Variants in BBX observed in about 807,000 individuals in gnomAD.
BBX encodes HMG box transcription factor BBX.
In BBX, 30 loss-of-function variants were observed where a neutral mutation model predicts 100.2. The observed-to-expected ratio is 0.30, with a 90% CI of 0.22 to 0.41. BBX has a LOEUF of 0.41. Ranked by LOEUF, BBX falls within the 10% of genes least tolerant of loss-of-function variation. The pLI, the probability that BBX is intolerant of heterozygous loss-of-function variation, is 1.00. For missense variants in BBX, 1,023 were observed against 1,129.8 expected (o/e 0.91, Z 1.35); for synonymous variants, 376 against 388.1 (o/e 0.97, Z 0.37).
rs1421270071 is a variant in BBX, at chr3:107,737,898, T to TTG, written c.669+4876_669+4877insGT. ...TCAGAGTTCCAGTTTTTTTTTTTTT[T>TTG]TTTTTTTTTTTTTTTTAACTATTTG... On this transcript the variant is annotated intron_variant, in intron 7 of 17. Coordinates refer to ENST00000325805, the MANE Select transcript of BBX (RefSeq NM_001142568.3). 3.5e-5 allele frequency among the ~76,000 whole-genome samples: 5 copies of TTG among 141,512 alleles called. No homozygotes were observed. In the East Asian group the frequency reaches 1.0e-3, roughly 29 times the overall value. 92.8% of individuals were successfully genotyped at this position (141,512 alleles called of 152,430 possible). A position where few individuals can be genotyped will look rare whatever the true frequency, so the allele number is the denominator to read the frequency against.
At chr3:107,606,980 G>A (rs1292077735) in intron 2 of BBX, among the ~76,000 whole-genome samples, 2 of 152,058 alleles carry the variant, frequency 1.3e-5, no homozygotes, top group South Asian at 2.1e-4. Context: ...CAATGGTTCA[G>A]TTGTCTTAAT....
intron 2 of BBX, chr3:107,599,461 A>G (rs2053903298): frequency 6.6e-6 from 1 of 152,088 alleles, no homozygotes; most frequent in African/African-American, 2.4e-5. Context: ...GGAGGAGGAA[A>G]CAATTTTTTT....
At chr3:107,730,742 A>G (rs1252355870) in intron 6 of BBX, among the ~76,000 whole-genome samples, 1 of 152,178 alleles carries the variant, frequency 6.6e-6, no homozygotes, top group Admixed American at 6.5e-5. Flanking sequence ...TTATCTCATT[A>G]TGTAATGGCT....
intron 3 of BBX, among the ~76,000 whole-genome samples, chr3:107,667,227 T>C (rs559523379): frequency 6.6e-6 from 1 of 152,240 alleles, no homozygotes; most frequent in Non-Finnish European, 1.5e-5. Context: ...ATGTTCATTC[T>C]GACTGTTATT....
At chr3:107,740,550 C>G (rs2107584383) in intron 7 of BBX, among the ~76,000 whole-genome samples, 1 of 152,186 alleles carries the variant, frequency 6.6e-6, no homozygotes, top group Non-Finnish European at 1.5e-5. Flanking sequence ...ACACATCTCT[C>G]TGACTGAAAA....
At chr3:107,668,666 C>T (rs1199852468) in intron 3 of BBX, among the ~76,000 whole-genome samples, 1 of 152,174 alleles carries the variant, frequency 6.6e-6, no homozygotes. Context: ...ATCCAGTCAG[C>T]TGTTTCTTCA....
intron 7 of BBX, among the ~76,000 whole-genome samples, chr3:107,733,867 T>C (rs889400106): frequency 1.3e-5 from 2 of 152,154 alleles, no homozygotes; most frequent in African/African-American, 2.4e-5. Context: ...TTAGGTATGA[T>C]TTTGACGGGC....
At chr3:107,802,689 G>A (rs114583693) in intron 17 of BBX, among the ~76,000 whole-genome samples, 85 of 152,332 alleles carry the variant, frequency 5.6e-4, no homozygotes, top group Non-Finnish European at 1.0e-3. Flanking sequence ...TGGTCACACC[G>A]TTGCTCTGTT....
intron 4 of BBX, among the ~76,000 whole-genome samples, chr3:107,712,275 T>C (rs564168661): frequency 1.3e-5 from 2 of 152,318 alleles, no homozygotes; most frequent in African/African-American, 4.8e-5. Flanking sequence ...TCTCTAGGCC[T>C]CCAATCTTAA....
intron 13 of BBX, among the ~76,000 whole-genome samples, chr3:107,781,940 G>A (rs2067935786): frequency 1.3e-5 from 2 of 152,120 alleles, no homozygotes; most frequent in South Asian, 2.1e-4. Context: ...AGAATCCTCT[G>A]TTTGAGGTGG....
intron 3 of BBX, among the ~76,000 whole-genome samples, chr3:107,672,332 C>T (rs925285235): frequency 6.6e-6 from 1 of 152,064 alleles, no homozygotes; most frequent in East Asian, 1.9e-4. Flanking sequence ...GGAGAAAGGT[C>T]CTGGCTATTT....
At position 107,584,129 on chromosome 3, in the gene BBX, TTATTA is replaced by T. The variant is rs1286892399; in HGVS notation, c.-84+57735_-84+57739del. ...TTATATATTATATATAATATATATA[TTATTA>T]TATATATTATATATAATATATGATA... On this transcript the variant is annotated intron_variant, in intron 2 of 17. Transcript: ENST00000325805. Among the ~76,000 whole-genome samples, 4 of 15,102 alleles carry T rather than the reference TTATTA, an allele frequency of 2.6e-4. 1 individual carries two copies. The East Asian group carries it at 2.8e-3, about 10-fold the overall frequency. 9.9% of individuals were successfully genotyped at this position (15,102 alleles called of 152,430 possible).
intron 2 of BBX, among the ~76,000 whole-genome samples, chr3:107,570,298 G>C (rs1333221533): frequency 6.6e-6 from 1 of 152,172 alleles, no homozygotes; most frequent in Non-Finnish European, 1.5e-5. Context: ...ATTAAGTCCT[G>C]TTGTGGGGTT....
chr3:107,754,525 T>G (rs1354428049), intron 9 of BBX, among the ~76,000 whole-genome samples: 1 of 152,174 alleles, frequency 6.6e-6, no homozygotes, highest in Non-Finnish European at 1.5e-5. Context: ...GGTAGGCCAT[T>G]ATTAAATACA....
rs202164354 is a variant in BBX at position 107,728,853 on chromosome 3, A to G, written c.494A>G (p.Asn165Ser). 3.6e-5 allele frequency: 58 copies of G among 1,613,966 alleles called. No homozygotes were observed. Among genetic ancestry groups the G allele is most frequent in the Non-Finnish European group, 4.5e-5 (53 of 1,179,868 alleles). The change falls in exon 6 of 18, where the codon AAT (asparagine) becomes AGT (serine). Residue 165 changes from asparagine (N) to serine (S), a missense_variant. By Grantham distance (46) the Asn-to-Ser change is conservative. Around this residue, in one of 9 missense-constraint regions of BBX, gnomAD observed 229 missense variants for 226.3 expected, o/e 1.01. Coordinates refer to ENST00000325805, the MANE Select transcript of BBX (RefSeq NM_001142568.3). ...GTGAAATCCCCAACACCCACTGTCAATCCACGAAAGAAACTTTGGGCCTTC... is the reference window on the plus strand; with the variant it reads ...GTGAAATCCCCAACACCCACTGTCAGTCCACGAAAGAAACTTTGGGCCTTC... The part of the protein sequence containing the change: ...KPVKSPTPTV[N>S]PRKKLWAFPS...
At chr3:107,725,620 A>G (rs897510150) in intron 5 of BBX, among the ~76,000 whole-genome samples, 7 of 152,112 alleles carry the variant, frequency 4.6e-5, no homozygotes, top group African/African-American at 1.7e-4. Context: ...TAAGTAGACA[A>G]AATACTGTGA....
rs555778385 is a variant in BBX, at chr3:107,568,424, T to C, written c.-84+42026T>C. 2.6e-5 allele frequency among the ~76,000 whole-genome samples: 4 copies of C among 151,962 alleles called. No individual in the cohort carries two copies. In the South Asian group the frequency reaches 8.3e-4, roughly 32 times the overall value. ...GGACTACAGGTGCCCGCCACCACGC[T>C]TGGCTAATTTTTTGTATTTTTAGCA... On this transcript the variant is annotated intron_variant, in intron 2 of 17. Transcript: ENST00000325805.
chr3:107,617,585 C>A lies in BBX; in HGVS notation c.-83-28251C>A, dbSNP rs77014457. On this transcript the variant is annotated intron_variant, in intron 2 of 17. Transcript: ENST00000325805. ...ATTTTACAGTTTTCAGCATATGTAT[C>A]CTGGACATGTTTTGTTGGATTCATG... is the stretch of plus-strand genomic sequence containing the variant. 7.7e-4 allele frequency among the ~76,000 whole-genome samples: 117 copies of A among 152,094 alleles called. 2 individuals carry two copies. The East Asian group carries it at 0.022, about 29-fold the overall frequency.
chr3:107,727,286 C>T (rs549353868), intron 5 of BBX, among the ~76,000 whole-genome samples: 2 of 152,240 alleles, frequency 1.3e-5, no homozygotes, highest in African/African-American at 4.8e-5. Context: ...TCACCTCACC[C>T]TACCATTTGT....
Sources: allele counts gnomAD v4.1 joint callset (sites outside exome capture counted in the v4.1 genomes callset), GRCh38; gene constraint gnomAD v4.1.1; regional missense constraint gnomAD v4.1.1; transcripts MANE v1.5; gene names NCBI Gene and HGNC (gene_info 2026-07-23, HGNC 2026-07-21).